TLN2: variants seen among roughly 807,000 people sequenced by gnomAD.
TLN2 encodes talin-2.
A neutral mutation model predicts 294.7 loss-of-function variants in TLN2; 118 were observed. That is an observed-to-expected ratio of 0.40 (90% CI 0.34 to 0.47). The LOEUF is 0.47. Ranked by LOEUF, TLN2 falls within the 20% of genes least tolerant of loss-of-function variation. The probability of loss-of-function intolerance (pLI) is 0.84; values close to 1 mark genes in which losing one functional copy is unlikely to be tolerated. For missense variants in TLN2, 3,083 were observed against 3,282.2 expected, an observed-to-expected ratio of 0.94 and a Z score of 1.48; for synonymous variants, 1,431 against 1,304.5, an observed-to-expected ratio of 1.10 and a Z score of -2.09.
chr15:62,607,729 C>T (rs1457934359), intron 2 of TLN2, among the ~76,000 whole-genome samples: 2 of 151,944 alleles, frequency 1.3e-5, no homozygotes, highest in African/African-American at 4.8e-5. Flanking sequence ...CCCCACTTCC[C>T]CGCTCTTTTT....
intron 13 of TLN2, among the ~76,000 whole-genome samples, chr15:62,693,642 A>G (rs894948956): frequency 4.6e-5 from 7 of 151,816 alleles, no homozygotes; most frequent in Non-Finnish European, 1.0e-4. Flanking sequence ...GTTATATGCC[A>G]TAGTGGTATA....
chr15:62,647,521 G>T (rs2052024981), intron 4 of TLN2, 75 bp downstream of exon 4: 6 of 1,596,780 alleles, frequency 3.8e-6, no homozygotes, highest in Middle Eastern at 1.7e-4. Context: ...AGAGACAGAG[G>T]CTCCAAGTGG....
intron 1 of TLN2, among the ~76,000 whole-genome samples, chr15:62,423,237 A>T (rs1424978503): frequency 6.6e-6 from 1 of 152,118 alleles, no homozygotes; most frequent in Admixed American, 6.5e-5. Flanking sequence ...CTACAAAAAA[A>T]TTATCTGGGC....
chr15:62,762,493 C>T, intron 39 of TLN2, 40 bp downstream of exon 39: 2 of 1,604,808 alleles, frequency 1.2e-6, no homozygotes, highest in South Asian at 1.1e-5. Flanking sequence ...GCCTGCATCT[C>T]AGCGGGGAAG....
intron 11 of TLN2, among the ~76,000 whole-genome samples, chr15:62,679,483 A>C (rs2056598251): frequency 1.3e-5 from 2 of 152,328 alleles, no homozygotes; most frequent in South Asian, 2.1e-4. Flanking sequence ...AAACTTTGTA[A>C]ATGTTACGCT....
At chr15:62,526,844 A>T (rs564147468) in intron 1 of TLN2, among the ~76,000 whole-genome samples, 1 of 152,118 alleles carries the variant, frequency 6.6e-6, no homozygotes, top group African/African-American at 2.4e-5. Flanking sequence ...TCCTTATCCT[A>T]TGTGCCTACA....
intron 1 of TLN2, among the ~76,000 whole-genome samples, chr15:62,410,080 A>G (rs1208562422): frequency 6.6e-6 from 1 of 152,136 alleles, no homozygotes; most frequent in Non-Finnish European, 1.5e-5. Context: ...CGTCTCTACT[A>G]AAAATACAAA....
intron 46 of TLN2, among the ~76,000 whole-genome samples, chr15:62,793,625 A>G (rs756916774): frequency 8.6e-5 from 13 of 151,684 alleles, no homozygotes; most frequent in Admixed American, 2.6e-4. Context: ...ACCACGCCAT[A>G]CTCTGAATGT....
chr15:62,437,524 C>T (rs1355417374), intron 1 of TLN2, among the ~76,000 whole-genome samples: 1 of 152,002 alleles, frequency 6.6e-6, no homozygotes, highest in Non-Finnish European at 1.5e-5. Context: ...AGGTGTGAGA[C>T]ATGACACCTG....
At chr15:62,653,883 G>A (rs2052898949) in intron 7 of TLN2, among the ~76,000 whole-genome samples, 1 of 151,966 alleles carries the variant, frequency 6.6e-6, no homozygotes, top group African/African-American at 2.4e-5. Context: ...ATCCAAATAA[G>A]GTTGAACAAG....
At chr15:62,428,037 C>T (rs764760999) in intron 1 of TLN2, among the ~76,000 whole-genome samples, 1 of 152,230 alleles carries the variant, frequency 6.6e-6, no homozygotes, top group Non-Finnish European at 1.5e-5. Context: ...TCAAGACCCT[C>T]AGCCTTCTGT....
intron 1 of TLN2, among the ~76,000 whole-genome samples, chr15:62,525,775 CT>C (rs2040701200): frequency 6.6e-6 from 1 of 152,164 alleles, no homozygotes; most frequent in Non-Finnish European, 1.5e-5. Context: ...CAGCTGGATG[CT>C]GCCCTCACCT....
At chr15:62,812,318 G>C (rs966992175) in intron 52 of TLN2, among the ~76,000 whole-genome samples, 3 of 152,182 alleles carry the variant, frequency 2.0e-5, no homozygotes, top group African/African-American at 7.2e-5. Flanking sequence ...CACCTGTGCA[G>C]CATTGATAAT....
chr15:62,692,954 G>A lies in TLN2; in HGVS notation c.1215+13G>A. The A allele has an allele frequency of 1.9e-6, 3 of 1,595,958 alleles. No homozygotes were observed. Among genetic ancestry groups the A allele is most frequent in the Non-Finnish European group, 2.6e-6 (3 of 1,172,380 alleles). On this transcript the variant is annotated intron_variant, in intron 13 of 58. Coordinates refer to ENST00000636159, the MANE Select transcript of TLN2 (RefSeq NM_015059.3). ...CATCCTGAAAAAGGTATTTTGTATT[G>A]ATGCAAATTGGAAAAGCAAGACGGC...
At chr15:62,831,509 A>G (rs1209755432) in intron 54 of TLN2, 1 of 151,950 alleles carries the variant, frequency 6.6e-6, no homozygotes, top group African/African-American at 2.4e-5. Flanking sequence ...AGAGCCTACT[A>G]TAATTTATTT....
intron 1 of TLN2, among the ~76,000 whole-genome samples, chr15:62,447,570 T>C (rs1228926121): frequency 2.0e-5 from 3 of 150,984 alleles, no homozygotes; most frequent in Non-Finnish European, 4.4e-5. Context: ...TCTTGCTCAC[T>C]GCAAGCTCCG....
intron 1 of TLN2, among the ~76,000 whole-genome samples, chr15:62,474,110 A>C (rs2037650968): frequency 6.6e-6 from 1 of 152,224 alleles, no homozygotes; most frequent in Non-Finnish European, 1.5e-5. Context: ...AAAACAAAAC[A>C]GAACAAACAA....
chr15:62,517,422 A>C (rs2040239979), intron 1 of TLN2, among the ~76,000 whole-genome samples: 1 of 152,232 alleles, frequency 6.6e-6, no homozygotes, highest in Admixed American at 6.5e-5. Context: ...TACAAACATA[A>C]AGATATCCCA....
chr15:62,427,652 T>G (rs1419490307), intron 1 of TLN2, among the ~76,000 whole-genome samples: 1 of 151,992 alleles, frequency 6.6e-6, no homozygotes, highest in Non-Finnish European at 1.5e-5. Flanking sequence ...TCCTTTGCCC[T>G]CCAGACGATG....
Sources: allele counts gnomAD v4.1 joint callset (sites outside exome capture counted in the v4.1 genomes callset), GRCh38; gene constraint gnomAD v4.1.1; transcripts MANE v1.5; gene names NCBI Gene and HGNC (gene_info 2026-07-23, HGNC 2026-07-21).